Variants in NF1 observed in about 807,000 individuals in gnomAD.
NF1 encodes neurofibromin.
A neutral mutation model predicts 325.7 loss-of-function variants in NF1; 122 were observed. The observed-to-expected ratio is 0.37, with a 90% CI of 0.32 to 0.44. The LOEUF is 0.44. NF1 is among the 20% of genes least tolerant of loss of function. NF1 has a pLI of 1.00. For missense variants in NF1, 2,140 were observed against 3,415.4 expected, an observed-to-expected ratio of 0.63 and a Z score of 9.31; for synonymous variants, 1,091 against 1,186.0, an observed-to-expected ratio of 0.92 and a Z score of 1.65.
intron 36 of NF1, among the ~76,000 whole-genome samples, chr17:31,268,111 C>T (rs752786308): frequency 6.6e-6 from 1 of 152,166 alleles, no homozygotes; most frequent in Non-Finnish European, 1.5e-5. Context: ...TCAACTCTTC[C>T]TCATGATTTT....
chr17:31,160,592 G>A (rs937004484), intron 3 of NF1, among the ~76,000 whole-genome samples: 2 of 152,208 alleles, frequency 1.3e-5, no homozygotes, highest in Non-Finnish European at 2.9e-5. Flanking sequence ...ATGGAACTGG[G>A]AAGATGGGCA....
chr17:31,287,542 C>CTCTGTGTGTG (rs987459488), intron 36 of NF1, among the ~76,000 whole-genome samples: 35 of 145,590 alleles, frequency 2.4e-4, no homozygotes, highest in African/African-American at 8.8e-4. Flanking sequence ...TCATTCATAA[C>CTCTGTGTGTG]TGTGTGTGTG....
chr17:31,302,116 C>T (rs1469894794), intron 36 of NF1, among the ~76,000 whole-genome samples: 2 of 151,940 alleles, frequency 1.3e-5, no homozygotes, highest in Admixed American at 6.6e-5. Flanking sequence ...TATTCTTCCC[C>T]CAGCAAAGAA....
chr17:31,311,733 A>G (rs1425954882), intron 36 of NF1, among the ~76,000 whole-genome samples: 2 of 152,242 alleles, frequency 1.3e-5, no homozygotes, highest in Admixed American at 1.3e-4. Flanking sequence ...GTAACTTGGC[A>G]GTATCACAGC....
intron 36 of NF1, among the ~76,000 whole-genome samples, chr17:31,325,277 C>T (rs1054731154): frequency 6.6e-6 from 1 of 152,162 alleles, no homozygotes; most frequent in African/African-American, 2.4e-5. Flanking sequence ...AAAATATGAG[C>T]TAGCAACTCC....
At chr17:31,211,866 T>A (rs2066733926) in intron 12 of NF1, among the ~76,000 whole-genome samples, 1 of 152,228 alleles carries the variant, frequency 6.6e-6, no homozygotes, top group Non-Finnish European at 1.5e-5. Context: ...ACTGTAGACT[T>A]AAAATTTTTT....
chr17:31,336,810 C>T lies in NF1; in HGVS notation c.6323C>T (p.Thr2108Ile), dbSNP rs876658920. The T allele has an allele frequency of 1.2e-6, 2 of 1,614,058 alleles. No individual in the cohort carries two copies. The highest frequency in any genetic ancestry group is 1.7e-6 in the Non-Finnish European group (2 of 1,180,010). Residue 2108 changes from threonine (T) to isoleucine (I), a missense_variant, in exon 42 of 58, where the codon ACT (threonine) becomes ATT (isoleucine). By Grantham distance (89) the Thr-to-Ile change is moderately conservative. Transcript: ENST00000358273. The surrounding 1 kb of genome is among the most constrained non-coding windows in gnomAD (Gnocchi z 5.5). ...AHLPYLFHVVTFLVATGPLSL... is the reference protein window; with the variant it reads ...AHLPYLFHVVIFLVATGPLSL... Reference sequence around the variant, plus strand: ...CTTCCCTACCTCTTCCACGTTGTTACTTTCTTAGTAGCCACAGGTCCGCTC... The same window carrying T: ...CTTCCCTACCTCTTCCACGTTGTTATTTTCTTAGTAGCCACAGGTCCGCTC...
In NF1 at chr17:31,340,591, A is replaced by C. The variant is rs201153017; in HGVS notation, c.7008A>C (p.Ala2336=). ...DEVNLYSAGT[A]LLEQNLHTLD... ...TCAACTTGTATTCAGCAGGTACCGC[A>C]CTTCTTGAACAAAACCTGCATACTT... The change falls in exon 47 of 58, where the codon GCA becomes GCC. Residue 2336 remains alanine, a synonymous_variant. Coordinates refer to ENST00000358273, the MANE Select transcript of NF1 (RefSeq NM_001042492.3). The C allele has an allele frequency of 6.2e-7, 1 of 1,614,134 alleles. No homozygotes were observed. Among genetic ancestry groups the C allele is most frequent in the South Asian group, 1.1e-5 (1 of 91,080 alleles).
chr17:31,187,844 C>G (rs910891638), intron 8 of NF1, among the ~76,000 whole-genome samples: 1 of 152,110 alleles, frequency 6.6e-6, no homozygotes, highest in Non-Finnish European at 1.5e-5. Flanking sequence ...TTCCATTAAA[C>G]TGGAAGTTAA....
intron 46 of NF1, among the ~76,000 whole-genome samples, chr17:31,339,621 A>G (rs2069767663): frequency 6.6e-6 from 1 of 152,206 alleles, no homozygotes; most frequent in East Asian, 1.9e-4. Flanking sequence ...TTCTAAGTGA[A>G]AATGAGCTCA....
chr17:31,097,823 A>G (rs908620023), intron 1 of NF1, among the ~76,000 whole-genome samples: 1 of 152,054 alleles, frequency 6.6e-6, no homozygotes, highest in Admixed American at 6.5e-5. Flanking sequence ...CAGTCTCCCA[A>G]GTAGCTGGGA....
rs575005499 is a variant in NF1, at chr17:31,101,529, ACT to A, written c.60+6163_60+6164del. 5.3e-5 allele frequency among the ~76,000 whole-genome samples: 8 copies of A among 151,948 alleles called. No homozygotes were observed. In the East Asian group the frequency reaches 1.5e-3, roughly 29 times the overall value. ...GAGCTGACCCCACTTGATTTACCAA[ACT>A]CTTTCCCATTATGCCTCTGCATGCA... On this transcript the variant is annotated intron_variant, in intron 1 of 57. Transcript: ENST00000358273.
intron 36 of NF1, among the ~76,000 whole-genome samples, chr17:31,266,581 C>T (rs2067793848): frequency 6.6e-6 from 1 of 152,128 alleles, no homozygotes; most frequent in South Asian, 2.1e-4. Flanking sequence ...TGTATTCTAA[C>T]CCCAACCTTT....
intron 1 of NF1, among the ~76,000 whole-genome samples, chr17:31,134,007 T>C (rs1200028321): frequency 1.3e-5 from 2 of 152,060 alleles, no homozygotes; most frequent in Admixed American, 1.3e-4. Flanking sequence ...TGTTAGGTGG[T>C]TTTATGACTT....
intron 1 of NF1, among the ~76,000 whole-genome samples, chr17:31,123,664 G>T (rs1244299664): frequency 6.6e-6 from 1 of 152,166 alleles, no homozygotes; most frequent in East Asian, 1.9e-4. Flanking sequence ...CTAAAATGAT[G>T]ACCTAGAGGC....
intron 36 of NF1, among the ~76,000 whole-genome samples, chr17:31,288,027 C>A (rs1239522299): frequency 6.6e-6 from 1 of 151,398 alleles, no homozygotes; most frequent in Non-Finnish European, 1.5e-5. Context: ...CACATGTATA[C>A]ATATGTAACT....
intron 51 of NF1, among the ~76,000 whole-genome samples, chr17:31,355,233 T>C (rs897152314): frequency 6.6e-6 from 1 of 152,134 alleles, no homozygotes. Flanking sequence ...GAAAACTAAA[T>C]GTAGAAAGTA....
chr17:31,325,616 T>A (rs2151537032), intron 36 of NF1, among the ~76,000 whole-genome samples: 1 of 152,334 alleles, frequency 6.6e-6, no homozygotes, highest in African/African-American at 2.4e-5. Context: ...TCAAAATTTT[T>A]GAATTGGAGA....
chr17:31,150,812 A>C (rs1189679664), intron 1 of NF1, among the ~76,000 whole-genome samples: 1 of 152,026 alleles, frequency 6.6e-6, no homozygotes, highest in African/African-American at 2.4e-5. Flanking sequence ...TGGGTGGATT[A>C]CCTGAGGTCA....
Sources: allele counts gnomAD v4.1 joint callset (sites outside exome capture counted in the v4.1 genomes callset), GRCh38; gene constraint gnomAD v4.1.1; non-coding constraint Gnocchi (gnomAD v3.1); transcripts MANE v1.5; gene names NCBI Gene and HGNC (gene_info 2026-07-23, HGNC 2026-07-21).